The following DCC variants were observed in gnomAD, a reference collection of about 807,000 sequenced individuals.
DCC encodes netrin receptor DCC.
A neutral mutation model predicts 172.5 loss-of-function variants in DCC; 58 were observed. The ratio of observed to expected loss-of-function variants is 0.34; its 90% CI spans 0.27 to 0.42. The LOEUF (loss-of-function observed/expected upper bound fraction) is 0.42, where lower values mean the gene tolerates loss of function less well. Among genes scored for constraint, DCC ranks in the 10% least tolerant of loss-of-function variants. The pLI, the probability that DCC is intolerant of heterozygous loss-of-function variation, is 1.00. For missense variants in DCC, 1,740 were observed against 1,791.0 expected (o/e 0.97, Z 0.51); for synonymous variants, 709 against 644.5 (o/e 1.10, Z -1.52).
rs958543763 is a variant in DCC, at chr18:52,829,944, C to A, written c.413-76100C>A. On this transcript the variant is annotated intron_variant, in intron 2 of 28. Transcript: ENST00000442544. The stretch of plus-strand genomic sequence containing the variant: ...ACTTTAAATATTGTGGTCAGGGAAG[C>A]ACCCACTGAGAAGATGACATTTGAG... Among the ~76,000 whole-genome samples the A allele has an allele frequency of 7.2e-5, 11 of 152,112 alleles. No homozygotes were observed. The South Asian group carries it at 1.5e-3, about 20-fold the overall frequency.
At chr18:52,904,475 A>G (rs866935568) in intron 2 of DCC, among the ~76,000 whole-genome samples, 1 of 152,216 alleles carries the variant, frequency 6.6e-6, no homozygotes, top group Non-Finnish European at 1.5e-5. Context: ...TTATGATTTG[A>G]CCCAGGTCAT....
intron 1 of DCC, among the ~76,000 whole-genome samples, chr18:52,650,018 GC>G (rs1263357201): frequency 1.8e-5 from 2 of 114,226 alleles, no homozygotes; most frequent in Non-Finnish European, 3.3e-5. Flanking sequence ...CGCTCTTGTT[GC>G]CCAGGCTGGA....
intron 25 of DCC, among the ~76,000 whole-genome samples, chr18:53,479,542 T>G (rs2045807267): frequency 6.6e-6 from 1 of 152,150 alleles, no homozygotes; most frequent in Non-Finnish European, 1.5e-5. Context: ...AGCAAGTCAG[T>G]AGAGTTATGC....
At chr18:53,124,656 A>T (rs1221404173) in intron 7 of DCC, among the ~76,000 whole-genome samples, 2 of 151,988 alleles carry the variant, frequency 1.3e-5, no homozygotes, top group African/African-American at 4.8e-5. Context: ...ATTCAATCAG[A>T]TCTTCTTGCA....
At chr18:53,127,745 G>A (rs2043586699) in intron 7 of DCC, among the ~76,000 whole-genome samples, 1 of 152,110 alleles carries the variant, frequency 6.6e-6, no homozygotes, top group South Asian at 2.1e-4. Context: ...CTGCCTTTTA[G>A]AAGTGGTGCC....
intron 15 of DCC, among the ~76,000 whole-genome samples, chr18:53,364,150 T>C (rs986299820): frequency 1.3e-5 from 2 of 152,122 alleles, no homozygotes; most frequent in East Asian, 3.9e-4. Flanking sequence ...GGAATAAAAA[T>C]TGTAACCTAG....
chr18:53,205,330 T>C lies in DCC; in HGVS notation c.1688T>C (p.Leu563Ser). 6.2e-7 allele frequency: 1 copy of C among 1,614,026 alleles called. No individual in the cohort carries two copies. The highest frequency in any genetic ancestry group is 8.5e-7 in the Non-Finnish European group (1 of 1,179,934). Residue 563 changes from leucine (L) to serine (S), a missense_variant, in exon 10 of 29, where the codon TTG (leucine) becomes TCG (serine). This residue lies in a region of DCC where 1,732 missense variants were observed against 1,767.4 expected (regional missense o/e 0.98). Transcript: ENST00000442544. The stretch of plus-strand genomic sequence containing the variant: ...AACGGTCCAGTCCAAGGTTACAGAT[T>C]GTTCTGCACTGAGGTGTCCACAGGA... ...YANGPVQGYR[L>S]FCTEVSTGKE...
chr18:52,425,481 C>T (rs915686086), intron 1 of DCC, among the ~76,000 whole-genome samples: 4 of 152,078 alleles, frequency 2.6e-5, no homozygotes, highest in African/African-American at 9.7e-5. Context: ...AGATGGCTGG[C>T]TACAAGTATG....
At chr18:52,613,865 C>T (rs1206305121) in intron 1 of DCC, among the ~76,000 whole-genome samples, 1 of 152,102 alleles carries the variant, frequency 6.6e-6, no homozygotes, top group Non-Finnish European at 1.5e-5. Flanking sequence ...ATATCCAACA[C>T]TGGGAAGGCT....
intron 1 of DCC, among the ~76,000 whole-genome samples, chr18:52,603,306 C>T (rs1211675938): frequency 6.6e-6 from 1 of 151,806 alleles, no homozygotes; most frequent in Non-Finnish European, 1.5e-5. Context: ...AGACCTTGGC[C>T]CATTCTATTA....
chr18:53,462,061 A>C (rs2045565970), intron 24 of DCC, among the ~76,000 whole-genome samples: 1 of 152,176 alleles, frequency 6.6e-6, no homozygotes, highest in Non-Finnish European at 1.5e-5. Context: ...AGGGGAGGTG[A>C]GGATAAAGAG....
chr18:53,057,488 A>G (rs1028105511), intron 5 of DCC, among the ~76,000 whole-genome samples: 3 of 152,092 alleles, frequency 2.0e-5, no homozygotes, highest in Non-Finnish European at 4.4e-5. Context: ...CCCCATAAAA[A>G]TGATTCTTTA....
rs1598902211 is a variant in DCC at position 53,203,455 on chromosome 18, A to G, written c.1574-1761A>G. ...AAGATAAAAAAATACAGTGTTAAGA[A>G]CAAGGAATCTCAAGGTTCCAGGACT... is the stretch of plus-strand genomic sequence containing the variant. On this transcript the variant is annotated intron_variant, in intron 9 of 28. Transcript: ENST00000442544. 3.3e-5 allele frequency among the ~76,000 whole-genome samples: 5 copies of G among 152,174 alleles called. No homozygotes were observed. The South Asian group carries it at 8.3e-4, about 25-fold the overall frequency.
intron 14 of DCC, among the ~76,000 whole-genome samples, chr18:53,338,853 A>G (rs181861041): frequency 1.3e-5 from 2 of 152,306 alleles, no homozygotes; most frequent in African/African-American, 4.8e-5. Flanking sequence ...GAATTATCTC[A>G]TTAAATCTTT....
rs370446483 is a variant in DCC, at chr18:52,836,229, T to A, written c.413-69815T>A. Among the ~76,000 whole-genome samples the A allele has an allele frequency of 5.3e-5, 8 of 152,276 alleles. No individual in the cohort carries two copies. The East Asian group carries it at 1.5e-3, about 29-fold the overall frequency. On this transcript the variant is annotated intron_variant, in intron 2 of 28. Coordinates refer to ENST00000442544, the MANE Select transcript of DCC (RefSeq NM_005215.4). ...GGATTATGGGAACTACAAGATGAGA[T>A]TTGCATAGGGACATAGCCAAACCAT... is the stretch of plus-strand genomic sequence containing the variant.
chr18:53,440,176 C>T (rs866046599), intron 22 of DCC, among the ~76,000 whole-genome samples: 3 of 152,096 alleles, frequency 2.0e-5, no homozygotes, highest in African/African-American at 4.8e-5. Context: ...GTATAAATGA[C>T]GGAACTATGA....
intron 2 of DCC, among the ~76,000 whole-genome samples, chr18:52,866,808 C>A (rs185017095): frequency 3.9e-5 from 6 of 152,294 alleles, no homozygotes; most frequent in Admixed American, 3.9e-4. Flanking sequence ...TTTCTAAATA[C>A]ACAATCATGT....
intron 24 of DCC, among the ~76,000 whole-genome samples, chr18:53,464,772 G>A (rs545985212): frequency 3.1e-4 from 47 of 151,850 alleles, no homozygotes; most frequent in African/African-American, 9.6e-4. Context: ...CCTGAGGTTG[G>A]CAGCTTGAGA....
intron 2 of DCC, among the ~76,000 whole-genome samples, chr18:52,776,619 G>A (rs73463760): frequency 1.3e-5 from 2 of 152,232 alleles, no homozygotes; most frequent in Admixed American, 1.3e-4. Flanking sequence ...GAGCCAGGTT[G>A]CAGGAGGTGG....
Sources: gnomAD v4.1 joint callset for allele counts (sites outside exome capture counted in the v4.1 genomes callset) on GRCh38, gnomAD v4.1.1 for gene constraint, gnomAD v4.1.1 regional missense constraint, MANE v1.5 for transcripts, NCBI Gene and HGNC (gene_info 2026-07-23, HGNC 2026-07-21) for gene names.